The following EYA4 variants were observed in gnomAD, a reference collection of about 807,000 sequenced individuals.
The protein encoded by EYA4 is EYA transcriptional coactivator and phosphatase 4.
EYA4 carries 31 observed loss-of-function variants against 87.9 expected under a neutral mutation model. The observed-to-expected ratio is 0.35, with a 90% CI of 0.27 to 0.48. The LOEUF (loss-of-function observed/expected upper bound fraction) is 0.48. EYA4 is among the 20% of genes least tolerant of loss of function. EYA4 has a pLI of 0.99. For synonymous variants in EYA4, 263 were observed against 270.6 expected, an observed-to-expected ratio of 0.97 and a Z score of 0.28; for missense variants, 678 against 761.4, an observed-to-expected ratio of 0.89 and a Z score of 1.29.
chr6:133,498,594 C>T (rs1797834481), intron 13 of EYA4, among the ~76,000 whole-genome samples: 1 of 152,018 alleles, frequency 6.6e-6, no homozygotes, highest in Non-Finnish European at 1.5e-5. Flanking sequence ...AGCACTATGC[C>T]AGGGTGACTA....
chr6:133,288,838 G>A (rs1201491780), intron 2 of EYA4, among the ~76,000 whole-genome samples: 1 of 152,058 alleles, frequency 6.6e-6, no homozygotes, highest in African/African-American at 2.4e-5. Flanking sequence ...AGGAGGAATT[G>A]GTCATTACTG....
intron 2 of EYA4, among the ~76,000 whole-genome samples, chr6:133,380,581 A>G (rs1483416612): frequency 6.6e-6 from 1 of 152,164 alleles, no homozygotes; most frequent in Non-Finnish European, 1.5e-5. Flanking sequence ...GGAAAGTGAC[A>G]TTCACCTGGG....
At chr6:133,301,035 C>T (rs900053388) in intron 2 of EYA4, among the ~76,000 whole-genome samples, 2 of 152,124 alleles carry the variant, frequency 1.3e-5, no homozygotes, top group Admixed American at 6.5e-5. Flanking sequence ...CTTGACTTTT[C>T]GTATCATGTG....
chr6:133,446,387 G>T, intron 3 of EYA4, among the ~76,000 whole-genome samples: 1 of 151,874 alleles, frequency 6.6e-6, no homozygotes, highest in Middle Eastern at 3.4e-3. Flanking sequence ...TTATAATAAC[G>T]TGTTATGTTA....
At chr6:133,269,586 A>G (rs907341125) in intron 1 of EYA4, among the ~76,000 whole-genome samples, 3 of 152,192 alleles carry the variant, frequency 2.0e-5, no homozygotes, top group Non-Finnish European at 4.4e-5. Context: ...ACGTCTTGTG[A>G]TCTAATAAGG....
chr6:133,466,251 A>G (rs1025925955), intron 10 of EYA4, among the ~76,000 whole-genome samples: 1 of 152,182 alleles, frequency 6.6e-6, no homozygotes, highest in African/African-American at 2.4e-5. Context: ...TGGGAGGATT[A>G]AGAAAAGATT....
chr6:133,488,706 C>T (rs529965637), intron 13 of EYA4, among the ~76,000 whole-genome samples: 1 of 152,310 alleles, frequency 6.6e-6, no homozygotes, highest in South Asian at 2.1e-4. Context: ...TGGGTGCCCC[C>T]ATTTAATGCA....
intron 1 of EYA4, among the ~76,000 whole-genome samples, chr6:133,259,264 G>A (rs1195620275): frequency 3.3e-5 from 5 of 152,104 alleles, no homozygotes; most frequent in Admixed American, 1.3e-4. Context: ...AAAAAGATTA[G>A]GAATGACAGG....
At chr6:133,427,851 T>C (rs888267982) in intron 3 of EYA4, among the ~76,000 whole-genome samples, 1 of 152,020 alleles carries the variant, frequency 6.6e-6, no homozygotes, top group Admixed American at 6.5e-5. Flanking sequence ...GGTATATACC[T>C]AGGGCTGAGT....
At chr6:133,303,816 G>A (rs1209784824) in intron 2 of EYA4, among the ~76,000 whole-genome samples, 1 of 152,094 alleles carries the variant, frequency 6.6e-6, no homozygotes, top group East Asian at 1.9e-4. Context: ...AGCCTGAAGT[G>A]GTATCTCATG....
At chr6:133,354,525 T>A (rs1783872383) in intron 2 of EYA4, among the ~76,000 whole-genome samples, 1 of 152,192 alleles carries the variant, frequency 6.6e-6, no homozygotes, top group African/African-American at 2.4e-5. Context: ...GGTATTGTTA[T>A]TTTATCTTAA....
At chr6:133,464,489 G>A (rs1794675882) in intron 9 of EYA4, among the ~76,000 whole-genome samples, 2 of 152,022 alleles carry the variant, frequency 1.3e-5, no homozygotes, top group Non-Finnish European at 2.9e-5. Context: ...TTTATCCTTT[G>A]CATACCCCTG....
chr6:133,420,133 C>T (rs1314746391), intron 3 of EYA4, among the ~76,000 whole-genome samples: 1 of 151,288 alleles, frequency 6.6e-6, no homozygotes, highest in Non-Finnish European at 1.5e-5. Context: ...TAGTACAACA[C>T]CAAAAAAAAA....
chr6:133,524,946 T>C, intron 18 of EYA4: 1 of 1,334,580 alleles, frequency 7.5e-7, no homozygotes, highest in Admixed American at 1.7e-5. Context: ...GGCATTAACT[T>C]AACACTTTAT....
At position 133,298,350 on chromosome 6, in the gene EYA4, C is replaced by T. The variant is rs536881848; in HGVS notation, c.33+23537C>T. Among the ~76,000 whole-genome samples the T allele has an allele frequency of 1.2e-4, 18 of 152,158 alleles. No homozygotes were observed. The South Asian group carries it at 3.7e-3, about 32-fold the overall frequency. On this transcript the variant is annotated intron_variant, in intron 2 of 19. Transcript: ENST00000355286. ...GAATCCGGCTTCTTTTGATGAGAAG[C>T]GACATTCAGAAACCAAAATTGGAGT...
chr6:133,258,761 C>T (rs2128239878), intron 1 of EYA4, among the ~76,000 whole-genome samples: 1 of 152,136 alleles, frequency 6.6e-6, no homozygotes, highest in South Asian at 2.1e-4. Context: ...CATTTGGACC[C>T]CTGGGAGATG....
chr6:133,388,072 G>A (rs1451318330), intron 3 of EYA4, among the ~76,000 whole-genome samples: 1 of 152,034 alleles, frequency 6.6e-6, no homozygotes, highest in Non-Finnish European at 1.5e-5. Flanking sequence ...ATTGTCTGTG[G>A]TGTTTGCCAA....
intron 2 of EYA4, among the ~76,000 whole-genome samples, chr6:133,346,271 G>A (rs1783186026): frequency 1.3e-5 from 2 of 152,146 alleles, no homozygotes; most frequent in African/African-American, 4.8e-5. Context: ...TCAGATTTGG[G>A]GCTAAAATTT....
At chr6:133,314,616 G>A (rs17301858) in intron 2 of EYA4, among the ~76,000 whole-genome samples, 71,049 of 151,908 alleles carry the variant, frequency 0.47, 16,983 homozygotes, top group Middle Eastern at 0.54. Context: ...GTACACTGGT[G>A]TAACTTCCCT....
Sources: allele counts gnomAD v4.1 joint callset (sites outside exome capture counted in the v4.1 genomes callset), GRCh38; gene constraint gnomAD v4.1.1; transcripts MANE v1.5; gene names NCBI Gene and HGNC (gene_info 2026-07-23, HGNC 2026-07-21).